MGME1: variants seen among roughly 807,000 people sequenced by gnomAD.
MGME1 encodes the protein chromosome 20 open reading frame 72.
MGME1 carries 22 observed loss-of-function variants against 33.0 expected under a neutral mutation model. That is an observed-to-expected ratio of 0.67 (90% CI 0.48 to 0.95). The LOEUF (loss-of-function observed/expected upper bound fraction) is 0.95. MGME1 is among the 40% of genes least tolerant of loss of function. The pLI, the probability that MGME1 is intolerant of heterozygous loss-of-function variation, is 0.00. For synonymous variants in MGME1, 133 were observed against 144.0 expected, an observed-to-expected ratio of 0.92 and a Z score of 0.55; for missense variants, 383 against 397.8, an observed-to-expected ratio of 0.96 and a Z score of 0.32.
intron 3 of MGME1, among the ~76,000 whole-genome samples, chr20:17,977,279 G>C (rs972233583): frequency 5.9e-5 from 9 of 151,934 alleles, no homozygotes; most frequent in African/African-American, 1.9e-4. Flanking sequence ...GGGAGTCTGA[G>C]GCAGGAGAAT....
chr20:17,985,585 C>A (rs927259552), intron 3 of MGME1, among the ~76,000 whole-genome samples: 1 of 152,202 alleles, frequency 6.6e-6, no homozygotes, highest in Non-Finnish European at 1.5e-5. Flanking sequence ...CCCTCACATT[C>A]ACTCACCGCT....
chr20:17,975,830 C>T lies in MGME1; in HGVS notation c.658C>T (p.Arg220Ter), dbSNP rs372291078. The T allele has an allele frequency of 6.8e-6, 11 of 1,613,984 alleles. No individual in the cohort carries two copies. Among genetic ancestry groups the T allele is most frequent in the African/African-American group, 5.3e-5 (4 of 74,902 alleles). ...TATTCTGAAAGATGTCAGTGGAGTG[C>T]GAGCTCTTGAAAGTGCTGTTCAACA... ...QHILKDVSGV[R>*]ALESAVQHET... The change falls in exon 3 of 5, where the codon CGA (arginine) becomes TGA (stop). Residue 220 changes from arginine (R) to a stop codon, truncating the protein, a stop_gained. Coordinates refer to ENST00000377710, the MANE Select transcript of MGME1 (RefSeq NM_052865.4). LOFTEE classifies it high-confidence loss of function.
chr20:17,981,059 T>C (rs971684560), intron 3 of MGME1, among the ~76,000 whole-genome samples: 18 of 152,290 alleles, frequency 1.2e-4, no homozygotes, highest in African/African-American at 4.3e-4. Flanking sequence ...ACTACCTCCT[T>C]CTAGTCTGCC....
chr20:17,972,583 C>CT, intron 2 of MGME1: 2 of 836,432 alleles, frequency 2.4e-6, no homozygotes, highest in Non-Finnish European at 2.9e-6. Context: ...ACTTTCATTA[C>CT]TTTGAGTGAA....
chr20:17,988,263 G>C lies in MGME1; in HGVS notation c.829G>C (p.Gly277Arg). 2 of 1,613,932 alleles carry C rather than the reference G, an allele frequency of 1.2e-6. No homozygotes were observed. Among genetic ancestry groups the C allele is most frequent in the Non-Finnish European group, 1.7e-6 (2 of 1,179,926 alleles). ...CCCACTGCAAGTTGTGGCATACATG[G>C]GTGCCATGAACCATGATACCAACTA... is the stretch of plus-strand genomic sequence containing the variant. Reference protein sequence around the residue: ...DNPLQVVAYMGAMNHDTNYSF... With the variant: ...DNPLQVVAYMRAMNHDTNYSF... Residue 277 changes from glycine (G) to arginine (R), a missense_variant, in exon 4 of 5, where the codon GGT (glycine) becomes CGT (arginine). By Grantham distance (125) the Gly-to-Arg change is moderately radical (BLOSUM62 -2). Coordinates refer to ENST00000377710, the MANE Select transcript of MGME1 (RefSeq NM_052865.4).
At chr20:17,981,808 C>G (rs1241991228) in intron 3 of MGME1, among the ~76,000 whole-genome samples, 1 of 151,806 alleles carries the variant, frequency 6.6e-6, no homozygotes. Flanking sequence ...ATTACAGGTG[C>G]CTGGCTAATT....
chr20:17,990,221 A>G lies in MGME1; in HGVS notation c.*112A>G, dbSNP rs904987080. ...GCCACTGGATCTGAGTGCTACACGA[A>G]CACAAGTAGAAGTATTAATTTGTTG... On this transcript the variant is annotated 3_prime_UTR_variant, in exon 5 of 5. Transcript: ENST00000377710. The G allele has an allele frequency of 2.3e-6, 2 of 875,510 alleles. No individual in the cohort carries two copies. Among genetic ancestry groups the G allele is most frequent in the Non-Finnish European group, 3.7e-6 (2 of 533,972 alleles). 54.2% of individuals were successfully genotyped at this position (875,510 alleles called of 1,614,324 possible).
chr20:17,978,363 C>G (rs1247703997), intron 3 of MGME1, among the ~76,000 whole-genome samples: 1 of 152,142 alleles, frequency 6.6e-6, no homozygotes, highest in Non-Finnish European at 1.5e-5. Context: ...CGCCACCACA[C>G]CCGGCTAATT....
chr20:17,988,111 A>G (rs916049908), intron 3 of MGME1, 55 bp from the exon 4 acceptor site: 1 of 1,529,414 alleles, frequency 6.5e-7, no homozygotes, highest in African/African-American at 1.4e-5. Flanking sequence ...TTAACCTAGT[A>G]GAGATTTTCA....
chr20:17,970,117 G>C lies in MGME1; in HGVS notation c.258G>C (p.Lys86Asn). The part of the protein sequence containing the change: ...ALLCGPVSKH[K>N]LPNQGEDRRV... ...TCTGTGGACCCGTGAGCAAGCATAA[G>C]CTGCCAAACCAAGGTGAGGACAGAC... is the stretch of plus-strand genomic sequence containing the variant. The change falls in exon 2 of 5, where the codon AAG (lysine) becomes AAC (asparagine). Residue 86 changes from lysine (K) to asparagine (N), a missense_variant. Coordinates refer to ENST00000377710, the MANE Select transcript of MGME1 (RefSeq NM_052865.4). 1 of 1,614,250 alleles carries C rather than the reference G, an allele frequency of 6.2e-7. No individual in the cohort carries two copies. The highest frequency in any genetic ancestry group is 1.6e-4 in the Middle Eastern group (1 of 6,062).
In MGME1 at chr20:17,969,796, A is replaced by T. The variant is rs2035664444; in HGVS notation, c.-59-5A>T. 2.7e-6 allele frequency: 4 copies of T among 1,476,848 alleles called. No homozygotes were observed. In the South Asian group the frequency reaches 5.4e-5, roughly 20 times the overall value. 91.5% of individuals were successfully genotyped at this position (1,476,848 alleles called of 1,614,324 possible). A position where few individuals can be genotyped will look rare whatever the true frequency, so the allele number is the denominator to read the frequency against. On this transcript the variant is annotated splice_polypyrimidine_tract_variant and splice_region_variant and intron_variant, in intron 1 of 4. Transcript: ENST00000377710. ...TCGCTTTGATGGTTGTTTTCTCTCCAATAGGAATACAAACATAAAGGCCTT... is the reference window on the plus strand; with the variant it reads ...TCGCTTTGATGGTTGTTTTCTCTCCTATAGGAATACAAACATAAAGGCCTT...
At chr20:17,972,749 G>A in intron 2 of MGME1, 1 of 985,376 alleles carries the variant, frequency 1.0e-6, no homozygotes, top group African/African-American at 1.7e-5. Context: ...AACCTAGCCA[G>A]GGGTAAGTTT....
At chr20:17,976,816 C>T (rs1186875675) in intron 3 of MGME1, among the ~76,000 whole-genome samples, 13 of 152,052 alleles carry the variant, frequency 8.5e-5, no homozygotes, top group Admixed American at 7.9e-4. Flanking sequence ...CATGCGCCAC[C>T]ATGTGTGGCT....
chr20:17,988,512 C>T (rs936609438), intron 4 of MGME1, among the ~76,000 whole-genome samples: 17 of 152,016 alleles, frequency 1.1e-4, no homozygotes, highest in African/African-American at 3.6e-4. Context: ...CATGGTGGCT[C>T]ATGCCTGTAA....
At chr20:17,988,444 C>A in intron 4 of MGME1, 146 bp downstream of exon 4, 1 of 749,628 alleles carries the variant, frequency 1.3e-6, no homozygotes, top group Non-Finnish European at 2.1e-6. Context: ...GAGTTCAAGA[C>A]CAGCCTGGCC....
At chr20:17,977,240 G>T (rs968266694) in intron 3 of MGME1, among the ~76,000 whole-genome samples, 1 of 151,982 alleles carries the variant, frequency 6.6e-6, no homozygotes, top group African/African-American at 2.4e-5. Context: ...GCCAGGCGCA[G>T]TGGTGTGTGC....
intron 2 of MGME1, chr20:17,972,848 C>G: frequency 1.1e-6 from 1 of 885,416 alleles, no homozygotes; most frequent in Non-Finnish European, 1.4e-6. Context: ...CTTCATTAAC[C>G]TAGTGTGTAG....
intron 2 of MGME1, among the ~76,000 whole-genome samples, chr20:17,974,074 T>G (rs998545383): frequency 5.4e-5 from 8 of 146,882 alleles, no homozygotes; most frequent in African/African-American, 2.0e-4. Flanking sequence ...TTTTTTTTTT[T>G]TTTTTTTTTT....
At chr20:17,984,415 A>G (rs1383320124) in intron 3 of MGME1, among the ~76,000 whole-genome samples, 1 of 152,212 alleles carries the variant, frequency 6.6e-6, no homozygotes, top group Non-Finnish European at 1.5e-5. Context: ...CCTATCATCT[A>G]GTGATGTTAT....
Sources: allele counts gnomAD v4.1 joint callset (sites outside exome capture counted in the v4.1 genomes callset), GRCh38; gene constraint gnomAD v4.1.1; transcripts MANE v1.5; gene names NCBI Gene and HGNC (gene_info 2026-07-23, HGNC 2026-07-21).